The following SLC12A6 variants were observed in gnomAD, a reference collection of about 807,000 sequenced individuals.
SLC12A6 encodes solute carrier family 12 member 6.
A neutral mutation model predicts 135.3 loss-of-function variants in SLC12A6; 66 were observed. The ratio of observed to expected loss-of-function variants is 0.49; its 90% CI spans 0.40 to 0.60. SLC12A6 has a LOEUF of 0.60. Among genes scored for constraint, SLC12A6 ranks in the 20% least tolerant of loss-of-function variants. The pLI, the probability that SLC12A6 is intolerant of heterozygous loss-of-function variation, is 0.00. For missense variants in SLC12A6, 1,058 were observed against 1,452.3 expected (o/e 0.73, Z 4.41); for synonymous variants, 513 against 508.8 (o/e 1.01, Z -0.11).
chr15:34,301,072 G>T (rs970731619), intron 2 of SLC12A6, among the ~76,000 whole-genome samples: 1 of 152,004 alleles, frequency 6.6e-6, no homozygotes, highest in Non-Finnish European at 1.5e-5. Context: ...AGGTTCAAGC[G>T]ATTCTCCTGT....
chr15:34,320,616 T>TC (rs1889006471), intron 2 of SLC12A6, among the ~76,000 whole-genome samples: 2 of 151,976 alleles, frequency 1.3e-5, no homozygotes, highest in African/African-American at 4.8e-5. Context: ...TTTTTTTTTT[T>TC]TTTTTAAAGA....
chr15:34,287,846 T>C (rs966723276), intron 2 of SLC12A6, among the ~76,000 whole-genome samples: 1 of 152,180 alleles, frequency 6.6e-6, no homozygotes, highest in Non-Finnish European at 1.5e-5. Context: ...TCTGGTAAAT[T>C]TGTTTAAGTT....
At chr15:34,304,308 C>T (rs1048552605) in intron 2 of SLC12A6, among the ~76,000 whole-genome samples, 2 of 152,078 alleles carry the variant, frequency 1.3e-5, no homozygotes, top group Non-Finnish European at 2.9e-5. Flanking sequence ...TTTATCTATT[C>T]ATTTGTCAGC....
chr15:34,234,013 A>G, intron 25 of SLC12A6, 41 bp from the exon 26 acceptor site: 1 of 1,018,794 alleles, frequency 9.8e-7, no homozygotes, highest in Non-Finnish European at 1.6e-6. Flanking sequence ...GAAGAGCACA[A>G]ACTTAAAACC....
chr15:34,256,368 T>C, intron 6 of SLC12A6, 85 bp from the exon 7 acceptor site: 1 of 906,680 alleles, frequency 1.1e-6, no homozygotes, highest in Non-Finnish European at 1.8e-6. Flanking sequence ...CCAAGAGCAC[T>C]TGGCAAACAT....
chr15:34,329,455 G>T (rs966526040), intron 2 of SLC12A6, among the ~76,000 whole-genome samples: 3 of 152,116 alleles, frequency 2.0e-5, no homozygotes, highest in Admixed American at 6.5e-5. Flanking sequence ...AAGGTTCCCA[G>T]GTTTGCAGGA....
At chr15:34,334,740 T>G (rs1204444041) in intron 2 of SLC12A6, among the ~76,000 whole-genome samples, 1 of 152,186 alleles carries the variant, frequency 6.6e-6, no homozygotes, top group Non-Finnish European at 1.5e-5. Context: ...TTAACATCTG[T>G]AACCACGTAA....
intron 5 of SLC12A6, 26 bp downstream of exon 5, chr15:34,258,787 T>A: frequency 1.3e-6 from 2 of 1,593,920 alleles, no homozygotes; most frequent in South Asian, 2.2e-5. Flanking sequence ...TCTTTCTATG[T>A]ATTCCTTGTT....
At position 34,334,123 on chromosome 15, in the gene SLC12A6, G is replaced by A. The variant is rs184858964; in HGVS notation, c.271+2287C>T. Among the ~76,000 whole-genome samples the A allele has an allele frequency of 2.0e-5, 3 of 151,872 alleles. No individual in the cohort carries two copies. The East Asian group carries it at 5.8e-4, about 29-fold the overall frequency. ...ATGTGTCACCTCCTGTTTGTGTGAT[G>A]TAATGTGAGTAGAAGACATATGACA... On this transcript the variant is annotated intron_variant, in intron 2 of 25. Transcript: ENST00000354181.
upstream of SLC12A6, chr15:34,337,938 C>G (rs1202615717): frequency 1.3e-5 from 2 of 152,210 alleles, no homozygotes; most frequent in Non-Finnish European, 1.5e-5. Context: ...TCCCTCCCCG[C>G]TTGTTCCTCA....
At chr15:34,328,620 T>C (rs1889631442) in intron 2 of SLC12A6, among the ~76,000 whole-genome samples, 1 of 152,218 alleles carries the variant, frequency 6.6e-6, no homozygotes, top group African/African-American at 2.4e-5. Context: ...GGGTCACACC[T>C]GTAATCCTAG....
At chr15:34,326,027 T>G (rs914435845) in intron 2 of SLC12A6, among the ~76,000 whole-genome samples, 1 of 152,212 alleles carries the variant, frequency 6.6e-6, no homozygotes, top group South Asian at 2.1e-4. Flanking sequence ...AGTAGGATAG[T>G]TGATGGCTAG....
chr15:34,250,909 G>C lies in SLC12A6; in HGVS notation c.1482C>G (p.Pro494=). The change falls in exon 11 of 26, where the codon CCC becomes CCG. Residue 494 remains proline, a synonymous_variant. Transcript: ENST00000354181. ...AGCCTATGTGTTTACCTGTAACAGA[G>C]GGAAAGAAGATTCCCACCAGAAGCG... is the stretch of plus-strand genomic sequence containing the variant. ...SFTLLVGIFF[P]SVTGIMAGSN... is the part of the protein sequence containing the mutation. 1 of 1,611,898 alleles carries C rather than the reference G, an allele frequency of 6.2e-7. No homozygotes were observed. Among genetic ancestry groups the C allele is most frequent in the South Asian group, 1.1e-5 (1 of 91,020 alleles).
Position 34,260,938 on chromosome 15 carries a change from C to T in SLC12A6, c.399G>A (p.Leu133=). Residue 133 remains leucine, a synonymous_variant, in exon 4 of 26, where the codon TTG becomes TTA. Coordinates refer to ENST00000354181, the MANE Select transcript of SLC12A6 (RefSeq NM_001365088.1). Reference sequence around the variant, plus strand: ...TCCAAAATATTACCTCAAAGAGTGCCAAATTTTTATCAAAATATTCATCTC... The same window carrying T: ...TCCAAAATATTACCTCAAAGAGTGCTAAATTTTTATCAAAATATTCATCTC... ...EEGDEYFDKN[L]ALFEEEMDTR... 6.9e-7 allele frequency: 1 copy of T among 1,445,628 alleles called. No homozygotes were observed. The highest frequency in any genetic ancestry group is 9.7e-7 in the Non-Finnish European group (1 of 1,026,648). 89.6% of individuals were successfully genotyped at this position (1,445,628 alleles called of 1,614,324 possible). A position where few individuals can be genotyped will look rare whatever the true frequency, so the allele number is the denominator to read the frequency against.
intron 10 of SLC12A6, 62 bp from the exon 11 acceptor site, chr15:34,251,119 T>G: frequency 8.1e-7 from 1 of 1,236,078 alleles, no homozygotes; most frequent in Non-Finnish European, 1.2e-6. Flanking sequence ...ATAATTAATT[T>G]TCTACCCAAA....
intron 2 of SLC12A6, chr15:34,318,610 C>T (rs759132348): frequency 1.2e-6 from 2 of 1,613,814 alleles, no homozygotes; most frequent in East Asian, 2.2e-5. Flanking sequence ...CTAAACTAGG[C>T]TCTTGAGAGA....
At chr15:34,262,993 T>C (rs993136166) in intron 3 of SLC12A6, among the ~76,000 whole-genome samples, 7 of 152,134 alleles carry the variant, frequency 4.6e-5, no homozygotes, top group African/African-American at 1.7e-4. Flanking sequence ...GCTGGCAAAG[T>C]GGCCAAGAAA....
At chr15:34,257,431 C>G in intron 6 of SLC12A6, 1 of 534,522 alleles carries the variant, frequency 1.9e-6, no homozygotes, top group Non-Finnish European at 3.4e-6. Flanking sequence ...TTTGTAATTT[C>G]TAGTACATCA....
Position 34,241,362 on chromosome 15 carries a change from G to C in SLC12A6, c.2163-25C>G. 2.3e-6 allele frequency: 3 copies of C among 1,288,320 alleles called. 1 individual carries two copies. In the South Asian group the frequency reaches 3.5e-5, roughly 15 times the overall value. The allele number at this position is 1,288,320 out of a possible 1,614,324, so 79.8% of individuals were successfully genotyped here. Reference sequence around the variant, plus strand: ...TCTGTGAGAAAAAGAAAAGAGCAGAGACAAATTTAAACTATAGTAAGTATA... The same window carrying C: ...TCTGTGAGAAAAAGAAAAGAGCAGACACAAATTTAAACTATAGTAAGTATA... On this transcript the variant is annotated intron_variant, in intron 17 of 25. Coordinates refer to ENST00000354181, the MANE Select transcript of SLC12A6 (RefSeq NM_001365088.1).
Sources: allele counts gnomAD v4.1 joint callset (sites outside exome capture counted in the v4.1 genomes callset), GRCh38; gene constraint gnomAD v4.1.1; transcripts MANE v1.5; gene names NCBI Gene and HGNC (gene_info 2026-07-23, HGNC 2026-07-21).